Variants in NDRG4 observed in about 807,000 individuals in gnomAD.
NDRG4 encodes NDRG family member 4.
Under a neutral mutation model 55.8 loss-of-function variants are expected in NDRG4, and 38 were observed. That is an observed-to-expected ratio of 0.68 (90% CI 0.53 to 0.89). The LOEUF (loss-of-function observed/expected upper bound fraction) is 0.89, where lower values mean the gene tolerates loss of function less well. Ranked by LOEUF, NDRG4 falls within the 40% of genes least tolerant of loss-of-function variation. The pLI is 0.00. For missense variants in NDRG4, 455 were observed against 468.6 expected (o/e 0.97, Z 0.27); for synonymous variants, 190 against 182.7 (o/e 1.04, Z -0.32).
intron 1 of NDRG4, among the ~76,000 whole-genome samples, chr16:58,466,704 C>T (rs915490291): frequency 1.3e-5 from 2 of 152,260 alleles, no homozygotes; most frequent in African/African-American, 2.4e-5. Flanking sequence ...TCTCTGTCCT[C>T]TTCCTTTTCT....
chr16:58,499,987 C>T (rs1567330992), upstream of NDRG4: 1 of 885,556 alleles, frequency 1.1e-6, no homozygotes, highest in Non-Finnish European at 1.6e-6. Flanking sequence ...AGGAGGACTT[C>T]AGAAGCCAAT....
At chr16:58,487,961 C>T (rs924718798) in intron 2 of NDRG4, 3 of 770,758 alleles carry the variant, frequency 3.9e-6, no homozygotes, top group Non-Finnish European at 5.8e-6. Flanking sequence ...CCAGCCACAC[C>T]GAGAAGCCCT....
chr16:58,473,192 CT>C (rs1367619514), intron 1 of NDRG4, among the ~76,000 whole-genome samples: 1 of 152,158 alleles, frequency 6.6e-6, no homozygotes, highest in Non-Finnish European at 1.5e-5. Context: ...CAGGGTCTTA[CT>C]TTGTTGCCCA....
intron 5 of NDRG4, chr16:58,504,855 C>CA: frequency 1.7e-6 from 1 of 590,312 alleles, no homozygotes; most frequent in Non-Finnish European, 3.0e-6. Context: ...TTCCTTTCTC[C>CA]ATATAGTTTT....
intron 2 of NDRG4, among the ~76,000 whole-genome samples, chr16:58,488,065 G>T (rs745921693): frequency 1.3e-5 from 2 of 152,186 alleles, no homozygotes; most frequent in Non-Finnish European, 2.9e-5. Context: ...GGCTAAAGGC[G>T]CCACAGGAGA....
At chr16:58,498,834 G>T (rs1440066156), upstream of NDRG4, among the ~76,000 whole-genome samples, 1 of 152,156 alleles carries the variant, frequency 6.6e-6, no homozygotes, top group Non-Finnish European at 1.5e-5. Context: ...GTCAGGTCTT[G>T]CCAGCCAAAC....
chr16:58,485,344 C>T (rs542953516), intron 1 of NDRG4, among the ~76,000 whole-genome samples: 8 of 152,246 alleles, frequency 5.3e-5, no homozygotes, highest in Admixed American at 2.0e-4. Flanking sequence ...CTCTCTCTGC[C>T]CCCTTCCCCG....
chr16:58,464,545 G>A lies in NDRG4; in HGVS notation c.-24+748G>A, dbSNP rs1454555120. The A allele has an allele frequency of 2.7e-5, 34 of 1,240,040 alleles. No individual in the cohort carries two copies. In the South Asian group the frequency reaches 8.2e-4, roughly 30 times the overall value. 76.8% of individuals were successfully genotyped at this position (1,240,040 alleles called of 1,614,324 possible). On this transcript the variant is annotated intron_variant, in intron 1 of 15. Coordinates refer to the NDRG4 transcript ENST00000258187. The surrounding 1 kb of genome is among the most constrained non-coding windows in gnomAD (Gnocchi z 4.8). Reference sequence around the variant, plus strand: ...TCCGGGCGCGGCGGCCGGGGACTGGGGCGGCTCGGGTCTGAGCAGGAAGGG... The same window carrying A: ...TCCGGGCGCGGCGGCCGGGGACTGGAGCGGCTCGGGTCTGAGCAGGAAGGG...
chr16:58,510,119 G>A (rs565278257), intron 13 of NDRG4, among the ~76,000 whole-genome samples: 1 of 152,338 alleles, frequency 6.6e-6, no homozygotes, highest in South Asian at 2.1e-4. Flanking sequence ...CAAACAGGAG[G>A]GCTGCCTGTG....
intron 2 of NDRG4, among the ~76,000 whole-genome samples, chr16:58,489,794 C>T (rs1231267630): frequency 6.6e-6 from 1 of 152,142 alleles, no homozygotes; most frequent in Non-Finnish European, 1.5e-5. Flanking sequence ...TGCCCCCCTA[C>T]TCCCCACTCC....
chr16:58,490,942 A>G (rs189317676), intron 2 of NDRG4, among the ~76,000 whole-genome samples: 183 of 149,546 alleles, frequency 1.2e-3, no homozygotes, highest in African/African-American at 4.3e-3. Flanking sequence ...ACACCACTAC[A>G]CTCCAGCCTG....
intron 1 of NDRG4, among the ~76,000 whole-genome samples, chr16:58,474,322 C>T (rs371666738): frequency 1.3e-5 from 2 of 152,162 alleles, no homozygotes; most frequent in Non-Finnish European, 2.9e-5. Flanking sequence ...GGATTACAGG[C>T]GTGAGCTGGC....
chr16:58,503,978 C>G (rs778349954), intron 2 of NDRG4, 75 bp downstream of exon 2: 2 of 1,565,938 alleles, frequency 1.3e-6, no homozygotes, highest in East Asian at 2.2e-5. Flanking sequence ...CCACCCTCCC[C>G]ACAGGGCCCT....
In NDRG4 at chr16:58,464,387, G is replaced by A. The variant is rs2031153675; in HGVS notation, c.-24+590G>A. 7.3e-7 allele frequency: 1 copy of A among 1,369,066 alleles called. No individual in the cohort carries two copies. The highest frequency in any genetic ancestry group is 1.8e-5 in the South Asian group (1 of 57,050). 84.8% of individuals were successfully genotyped at this position (1,369,066 alleles called of 1,614,324 possible). On this transcript the variant is annotated intron_variant, in intron 1 of 15. Coordinates refer to the NDRG4 transcript ENST00000258187. The surrounding 1 kb of genome is among the most constrained non-coding windows in gnomAD (Gnocchi z 4.8). ...TCTCCCCGGCTCGGCCGAGCGCGCT[G>A]CCCCGACGCCGCCACCCAGAGCCGG...
chr16:58,500,875 G>C (rs1317590825), intron 1 of NDRG4: 1 of 631,102 alleles, frequency 1.6e-6, no homozygotes, highest in Non-Finnish European at 2.3e-6. Flanking sequence ...GCTCTGCTGC[G>C]CCAGCCGGGC....
In NDRG4 at chr16:58,506,547, G is replaced by A. The variant is rs766125870; in HGVS notation, c.460-11G>A. ...GGGGCGGCACTCACGCTGGCGCCCT[G>A]CTCCCTGCAGCTCTCCGGCCTAACT... On this transcript the variant is annotated splice_polypyrimidine_tract_variant and intron_variant, in intron 6 of 14. Coordinates refer to ENST00000570248, the MANE Select transcript of NDRG4 (RefSeq NM_001242835.2). 2 of 1,597,540 alleles carry A rather than the reference G, an allele frequency of 1.3e-6. No homozygotes were observed. The highest frequency in any genetic ancestry group is 1.8e-5 in the Admixed American group (1 of 55,228).
chr16:58,495,712 G>A (rs1348582087), upstream of NDRG4, among the ~76,000 whole-genome samples: 1 of 152,240 alleles, frequency 6.6e-6, no homozygotes, highest in Admixed American at 6.5e-5. Flanking sequence ...TGGGAGCAAC[G>A]CGAGGATCAG....
chr16:58,513,860 A>C (rs1457130592), downstream of NDRG4, among the ~76,000 whole-genome samples: 6 of 152,364 alleles, frequency 3.9e-5, no homozygotes, highest in East Asian at 1.2e-3. Context: ...CGGGAGGCTG[A>C]GGCAGGAGAA....
Position 58,504,019 on chromosome 16 carries a change from C to T in NDRG4, c.127+116C>T, listed in dbSNP as rs534213843. On this transcript the variant is annotated intron_variant, in intron 2 of 14. Coordinates refer to ENST00000570248, the MANE Select transcript of NDRG4 (RefSeq NM_001242835.2). ...CCCCACTCACACTCACCTCTGTTGC[C>T]TTCGCCCTCCGGGCCTCCATTTCCC... is the stretch of plus-strand genomic sequence containing the variant. 6.6e-4 allele frequency: 1,030 copies of T among 1,563,416 alleles called. 3 individuals carry two copies. The highest frequency in any genetic ancestry group is 4.4e-4 in the Non-Finnish European group (498 of 1,144,520).
Sources: allele counts gnomAD v4.1 joint callset (sites outside exome capture counted in the v4.1 genomes callset), GRCh38; gene constraint gnomAD v4.1.1; non-coding constraint Gnocchi (gnomAD v3.1); transcripts MANE v1.5; gene names NCBI Gene and HGNC (gene_info 2026-07-23, HGNC 2026-07-21).